Variants in SECISBP2 observed in about 807,000 individuals in gnomAD.
SECISBP2 encodes SECIS binding protein 2.
SECISBP2 carries 96 observed loss-of-function variants against 98.2 expected under a neutral mutation model. The observed-to-expected ratio is 0.98, with a 90% CI of 0.83 to 1.16. The LOEUF is 1.16. SECISBP2 is among the 50% of genes most tolerant of loss of function. The probability of loss-of-function intolerance (pLI) is 0.00; values close to 1 mark genes in which losing one functional copy is unlikely to be tolerated. For missense variants in SECISBP2, 1,046 were observed against 1,022.9 expected, an observed-to-expected ratio of 1.02 and a Z score of -0.31; for synonymous variants, 407 against 370.2, an observed-to-expected ratio of 1.10 and a Z score of -1.14.
At chr9:89,364,135 C>T, downstream of SECISBP2, 1 of 1,272,408 alleles carries the variant, frequency 7.9e-7, no homozygotes, top group Non-Finnish European at 1.1e-6. Context: ...GAGCCTTGGC[C>T]TTGGCCCGTC....
intron 7 of SECISBP2, among the ~76,000 whole-genome samples, chr9:89,337,969 G>A (rs1236518058): frequency 6.6e-6 from 1 of 152,248 alleles, no homozygotes; most frequent in Non-Finnish European, 1.5e-5. Flanking sequence ...CCTGGATGAG[G>A]AGAGGCCCAG....
At chr9:89,358,329 C>G in intron 16 of SECISBP2, 138 bp downstream of exon 16, 1 of 860,378 alleles carries the variant, frequency 1.2e-6, no homozygotes, top group Non-Finnish European at 1.9e-6. Context: ...AGCCCATTGC[C>G]TAAGAGGTAT....
the SECISBP2 span, among the ~76,000 whole-genome samples, chr9:89,366,875 A>G: frequency 6.6e-6 from 1 of 152,174 alleles, no homozygotes; most frequent in Non-Finnish European, 1.5e-5. Flanking sequence ...ACTGAGTCAC[A>G]GGAGCCTCTG....
chr9:89,343,059 T>C (rs761103048), intron 10 of SECISBP2, among the ~76,000 whole-genome samples: 13 of 152,232 alleles, frequency 8.5e-5, no homozygotes, highest in Admixed American at 3.3e-4. Flanking sequence ...AGAAGTGTCC[T>C]GAGTTTCTGA....
chr9:89,337,977 CA>C (rs1439198751), intron 7 of SECISBP2, among the ~76,000 whole-genome samples: 1 of 152,176 alleles, frequency 6.6e-6, no homozygotes, highest in African/African-American at 2.4e-5. Flanking sequence ...AGGAGAGGCC[CA>C]GGGGGTTAGG....
intron 1 of SECISBP2, chr9:89,318,877 C>T (rs1022162466): frequency 8.0e-7 from 1 of 1,248,832 alleles, no homozygotes; most frequent in African/African-American, 1.6e-5. Context: ...GCGGCCCAGC[C>T]CGGCGCTCCC....
At chr9:89,364,220 C>T (rs1487579506), downstream of SECISBP2, 4 of 592,884 alleles carry the variant, frequency 6.7e-6, no homozygotes, top group African/African-American at 1.9e-5. Context: ...CCCCTAGGAC[C>T]CCCTTTCTTG....
At chr9:89,358,327 G>A in intron 16 of SECISBP2, 136 bp downstream of exon 16, 1 of 868,222 alleles carries the variant, frequency 1.2e-6, no homozygotes, top group Non-Finnish European at 1.9e-6. Flanking sequence ...CCAGCCCATT[G>A]CCTAAGAGGT....
chr9:89,327,135 GC>G (rs1826855640), intron 4 of SECISBP2, among the ~76,000 whole-genome samples: 1 of 151,496 alleles, frequency 6.6e-6, no homozygotes, highest in South Asian at 2.1e-4. Context: ...CTGCACTCCA[GC>G]CTGGGAGACA....
chr9:89,321,485 T>C (rs1254257243), intron 2 of SECISBP2, among the ~76,000 whole-genome samples: 2 of 151,900 alleles, frequency 1.3e-5, no homozygotes, highest in Non-Finnish European at 2.9e-5. Context: ...ACCAACATGG[T>C]GAAACCCCAT....
intron 7 of SECISBP2, among the ~76,000 whole-genome samples, chr9:89,338,053 G>C (rs1436794807): frequency 6.6e-6 from 1 of 152,224 alleles, no homozygotes. Context: ...TTGTCTGAAG[G>C]TTCCAGGGGT....
At chr9:89,355,898 A>G (rs1832000543) in intron 14 of SECISBP2, among the ~76,000 whole-genome samples, 2 of 152,208 alleles carry the variant, frequency 1.3e-5, no homozygotes, top group Non-Finnish European at 2.9e-5. Flanking sequence ...CCATCCTGTT[A>G]ATCTGCATCA....
At chr9:89,336,899 G>A (rs1037045598) in intron 7 of SECISBP2, among the ~76,000 whole-genome samples, 5 of 147,538 alleles carry the variant, frequency 3.4e-5, no homozygotes, top group African/African-American at 1.3e-4. Context: ...AGTCTCCCAA[G>A]TAGCTGGGAT....
At chr9:89,355,008 G>A in intron 14 of SECISBP2, 5 of 985,396 alleles carry the variant, frequency 5.1e-6, no homozygotes, top group Non-Finnish European at 6.0e-6. Flanking sequence ...TTCTATCCCA[G>A]GAGGCTGCCT....
chr9:89,345,352 G>A (rs1830271640), intron 10 of SECISBP2, among the ~76,000 whole-genome samples: 1 of 152,188 alleles, frequency 6.6e-6, no homozygotes, highest in Admixed American at 6.5e-5. Context: ...GCAGTGACAG[G>A]GAAGCTGCTG....
chr9:89,363,106 C>T (rs1248004410), downstream of SECISBP2, among the ~76,000 whole-genome samples: 3 of 152,186 alleles, frequency 2.0e-5, no homozygotes, highest in African/African-American at 7.2e-5. Context: ...GAGTGGCTGG[C>T]TGAGTGCTCT....
intron 2 of SECISBP2, among the ~76,000 whole-genome samples, chr9:89,320,296 C>T (rs1825515068): frequency 1.5e-5 from 2 of 136,524 alleles, no homozygotes; most frequent in Admixed American, 8.8e-5. Context: ...GCAGAGGTTG[C>T]AGTGGGCCAA....
chr9:89,360,839 CAG>C (rs1832707169), downstream of SECISBP2: 1 of 152,218 alleles, frequency 6.6e-6, no homozygotes. Context: ...AAGAAAGACT[CAG>C]AAATTCATCC....
chr9:89,328,674 C>T lies in SECISBP2; in HGVS notation c.589C>T (p.Arg197Ter), dbSNP rs764344701. The change falls in exon 5 of 17, where the codon CGA becomes TGA. Residue 197 changes from arginine (R) to a stop codon, truncating the protein, a stop_gained. Transcript: ENST00000375807. LOFTEE classifies it high-confidence loss of function. ...NSLKSDGYHK[R>*]TDRKSRIIAK... The stretch of plus-strand genomic sequence containing the variant: ...TGTAATTACAGATGGTTACCATAAG[C>T]GAACAGACAGGAAATCCAGAATCAT... 2.0e-5 allele frequency: 33 copies of T among 1,613,620 alleles called. No individual in the cohort carries two copies. The highest frequency in any genetic ancestry group is 1.6e-4 in the Middle Eastern group (1 of 6,080).
Sources: allele counts gnomAD v4.1 joint callset (sites outside exome capture counted in the v4.1 genomes callset), GRCh38; gene constraint gnomAD v4.1.1; transcripts MANE v1.5; gene names NCBI Gene and HGNC (gene_info 2026-07-23, HGNC 2026-07-21).